Variants in PRH1 observed in about 807,000 individuals in gnomAD.
PRH1 encodes proline rich protein HaeIII subfamily 1.
PRH1 carries 7 observed loss-of-function variants against 7.9 expected under a neutral mutation model. That is an observed-to-expected ratio of 0.89 (90% CI 0.50 to 1.67). The LOEUF is 1.67. Ranked by LOEUF, PRH1 falls within the 40% of genes most tolerant of loss-of-function variation. The probability of loss-of-function intolerance (pLI) is 0.00; values close to 1 mark genes in which losing one functional copy is unlikely to be tolerated. For missense variants in PRH1, 109 were observed against 223.6 expected (o/e 0.49, Z 3.27); for synonymous variants, 45 against 80.8 (o/e 0.56, Z 2.38).
intron 2 of PRH1, among the ~76,000 whole-genome samples, chr12:10,914,435 T>C (rs1949944897): frequency 1.3e-5 from 2 of 152,146 alleles, no homozygotes; most frequent in African/African-American, 4.8e-5. Context: ...TACATAATTG[T>C]TTTGAGATAA....
At chr12:10,972,930 C>G (rs868656120) in intron 2 of PRH1, among the ~76,000 whole-genome samples, 1 of 128,994 alleles carries the variant, frequency 7.8e-6, no homozygotes. Flanking sequence ...GCACCACAAC[C>G]CACCCCCCCC....
chr12:11,090,185 G>A (rs534633258), intron 1 of PRH1, among the ~76,000 whole-genome samples: 23 of 101,764 alleles, frequency 2.3e-4, no homozygotes, highest in Admixed American at 4.0e-4. Context: ...CATCATTGAT[G>A]ACAAAATTAC....
intron 2 of PRH1, among the ~76,000 whole-genome samples, chr12:10,950,956 C>G (rs1482447794): frequency 6.6e-6 from 1 of 152,048 alleles, no homozygotes; most frequent in Non-Finnish European, 1.5e-5. Context: ...AGGTCTTGAT[C>G]TTAAACTCTC....
intron 1 of PRH1, among the ~76,000 whole-genome samples, chr12:10,989,707 T>A (rs11054137): frequency 6.6e-5 from 10 of 152,108 alleles, no homozygotes; most frequent in Non-Finnish European, 1.5e-4. Flanking sequence ...CATGTTCAGC[T>A]TTATATTTTT....
chr12:11,105,820 A>G (rs865815493), intron 1 of PRH1, among the ~76,000 whole-genome samples: 5 of 152,130 alleles, frequency 3.3e-5, no homozygotes. Context: ...CGTGAGTAAT[A>G]TGTAGAGTGA....
At chr12:11,057,205 T>C (rs766448687) in intron 1 of PRH1, among the ~76,000 whole-genome samples, 34 of 152,146 alleles carry the variant, frequency 2.2e-4, no homozygotes, top group Admixed American at 6.5e-4. Flanking sequence ...GGAGTTTCCA[T>C]ATGTTGCAAA....
At chr12:10,908,279 G>A in intron 2 of PRH1, 2 of 1,053,278 alleles carry the variant, frequency 1.9e-6, no homozygotes, top group Non-Finnish European at 2.7e-6. Context: ...CACAATAAAA[G>A]AAACCAGGGG....
chr12:10,900,042 A>T (rs917053042), intron 2 of PRH1, among the ~76,000 whole-genome samples: 1 of 152,222 alleles, frequency 6.6e-6, no homozygotes, highest in Non-Finnish European at 1.5e-5. Flanking sequence ...ATAAAGGTTA[A>T]CTCTGTGAGC....
rs571936849 is a variant in PRH1 at position 11,046,300 on chromosome 12, C to T, written c.-126+720G>A. Among the ~76,000 whole-genome samples, 10 of 152,122 alleles carry T rather than the reference C, an allele frequency of 6.6e-5. No individual in the cohort carries two copies. The South Asian group carries it at 2.1e-3, about 32-fold the overall frequency. ...CTGTCTTCACTGTGCTTGATGATAA[C>T]TGAAATCTCAATTTAATTATTTTAG... On this transcript the variant is annotated intron_variant, in intron 1 of 3. Coordinates refer to the PRH1 transcript ENST00000539853.
chr12:11,163,750 G>A (rs2136460440), intron 1 of PRH1, among the ~76,000 whole-genome samples: 1 of 152,266 alleles, frequency 6.6e-6, no homozygotes, highest in East Asian at 1.9e-4. Context: ...GTCTGCAGAA[G>A]CAGATTCAAA....
chr12:10,881,502 C>T (rs1401884711), intron 3 of PRH1, among the ~76,000 whole-genome samples: 2 of 152,108 alleles, frequency 1.3e-5, no homozygotes, highest in Non-Finnish European at 2.9e-5. Context: ...TCTAAATGAA[C>T]TCATGAGAAA....
chr12:10,990,882 G>A (rs1174975575), intron 1 of PRH1, among the ~76,000 whole-genome samples: 1 of 152,166 alleles, frequency 6.6e-6, no homozygotes, highest in Non-Finnish European at 1.5e-5. Context: ...TGTTAACTCC[G>A]TGTTTTTGGT....
chr12:11,119,983 A>G (rs1284571229), downstream of PRH1, among the ~76,000 whole-genome samples: 1 of 152,210 alleles, frequency 6.6e-6, no homozygotes, highest in Non-Finnish European at 1.5e-5. Flanking sequence ...GCAAGTGTAA[A>G]AAGGATGTAT....
chr12:10,956,443 T>C (rs760062598), intron 2 of PRH1, among the ~76,000 whole-genome samples: 4 of 152,116 alleles, frequency 2.6e-5, no homozygotes, highest in Non-Finnish European at 5.9e-5. Context: ...GAGCCACCCA[T>C]GACAAACCCA....
intron 1 of PRH1, among the ~76,000 whole-genome samples, chr12:11,069,615 C>A: frequency 6.6e-6 from 1 of 152,306 alleles, no homozygotes; most frequent in East Asian, 1.9e-4. Flanking sequence ...AACATAGACT[C>A]TGGTGATCTT....
chr12:10,928,200 G>GA (rs1305580897), intron 2 of PRH1, among the ~76,000 whole-genome samples: 4 of 152,140 alleles, frequency 2.6e-5, no homozygotes, highest in African/African-American at 4.8e-5. Flanking sequence ...GAATATCATA[G>GA]AAAAAATCAT....
At chr12:10,929,201 C>G in intron 2 of PRH1, 1 of 1,607,124 alleles carries the variant, frequency 6.2e-7, no homozygotes, top group Non-Finnish European at 8.5e-7. Context: ...CATTGTCCTG[C>G]TTGTCTTTAT....
At chr12:11,166,821 G>T (rs1947596916) in intron 1 of PRH1, among the ~76,000 whole-genome samples, 1 of 152,150 alleles carries the variant, frequency 6.6e-6, no homozygotes, top group Admixed American at 6.5e-5. Flanking sequence ...TAAAATCAAG[G>T]TGTCAGCAAG....
chr12:11,061,448 T>G, intron 1 of PRH1: 1 of 1,614,148 alleles, frequency 6.2e-7, no homozygotes. Context: ...AGCTTCTTGT[T>G]TCCCCAAATC....
Sources: allele counts gnomAD v4.1 joint callset (sites outside exome capture counted in the v4.1 genomes callset), GRCh38; gene constraint gnomAD v4.1.1; transcripts MANE v1.5; gene names NCBI Gene and HGNC (gene_info 2026-07-23, HGNC 2026-07-21).